Variants in NRCAM observed in about 807,000 individuals in gnomAD.
NRCAM encodes the protein neuronal cell adhesion molecule, also known as NgCAM-related cell adhesion molecule.
A neutral mutation model predicts 156.5 loss-of-function variants in NRCAM; 83 were observed. The observed-to-expected ratio is 0.53, with a 90% CI of 0.44 to 0.64. The LOEUF is 0.64. Among genes scored for constraint, NRCAM ranks in the 30% least tolerant of loss-of-function variants. The pLI is 0.00. For synonymous variants in NRCAM, 538 were observed against 563.9 expected, an observed-to-expected ratio of 0.95 and a Z score of 0.65; for missense variants, 1,417 against 1,597.3, an observed-to-expected ratio of 0.89 and a Z score of 1.92.
intron 3 of NRCAM, among the ~76,000 whole-genome samples, chr7:108,289,186 AT>A (rs1253542000): frequency 6.6e-6 from 1 of 152,162 alleles, no homozygotes; most frequent in African/African-American, 2.4e-5. Flanking sequence ...AACAGTATAA[AT>A]AGAAAACATA....
intron 3 of NRCAM, among the ~76,000 whole-genome samples, chr7:108,274,814 G>A (rs2097531106): frequency 6.6e-6 from 1 of 152,146 alleles, no homozygotes; most frequent in South Asian, 2.1e-4. Flanking sequence ...CTTGTCTTGT[G>A]CTGGCTTTCA....
At chr7:108,289,770 C>G (rs2098228644) in intron 3 of NRCAM, among the ~76,000 whole-genome samples, 1 of 152,116 alleles carries the variant, frequency 6.6e-6, no homozygotes, top group African/African-American at 2.4e-5. Context: ...ATGAGGTCTC[C>G]AGACCCCCAG....
chr7:108,201,263 GGTGCCCACCAT>G (rs1220238154), intron 13 of NRCAM, among the ~76,000 whole-genome samples: 1 of 151,668 alleles, frequency 6.6e-6, no homozygotes, highest in Non-Finnish European at 1.5e-5. Context: ...GGGCACTCTC[GGTGCCCACCAT>G]GTGCCCACCC....
chr7:108,163,184 T>C (rs771986491), intron 30 of NRCAM, among the ~76,000 whole-genome samples: 1 of 152,234 alleles, frequency 6.6e-6, no homozygotes, highest in Non-Finnish European at 1.5e-5. Flanking sequence ...TATATTCATG[T>C]ATTATTTGAG....
intron 11 of NRCAM, among the ~76,000 whole-genome samples, chr7:108,221,645 A>G (rs1184254027): frequency 6.6e-6 from 1 of 152,198 alleles, no homozygotes; most frequent in Admixed American, 6.5e-5. Context: ...GTGGGAGCTA[A>G]GCTACGAGGA....
intron 11 of NRCAM, among the ~76,000 whole-genome samples, chr7:108,211,346 G>T (rs1161221102): frequency 1.3e-5 from 2 of 152,134 alleles, no homozygotes; most frequent in African/African-American, 4.8e-5. Context: ...GTCTCCAGCT[G>T]AACTTTATAA....
intron 17 of NRCAM, among the ~76,000 whole-genome samples, chr7:108,192,406 A>G (rs1015382296): frequency 6.6e-6 from 1 of 152,042 alleles, no homozygotes; most frequent in African/African-American, 2.4e-5. Context: ...ATGTATATAC[A>G]TATTACAACA....
chr7:108,376,340 T>G (rs1251319334), intron 2 of NRCAM, among the ~76,000 whole-genome samples: 1 of 152,216 alleles, frequency 6.6e-6, no homozygotes, highest in Non-Finnish European at 1.5e-5. Flanking sequence ...TCCTGCTTCC[T>G]GCTCTCTGGA....
At chr7:108,218,178 G>C (rs555013914) in intron 11 of NRCAM, among the ~76,000 whole-genome samples, 77 of 151,862 alleles carry the variant, frequency 5.1e-4, no homozygotes, top group African/African-American at 1.6e-3. Flanking sequence ...TTGGCTGGGG[G>C]GGGGGGGGAG....
chr7:108,454,343 T>C lies in NRCAM; in HGVS notation c.-332+1900A>G, dbSNP rs562753238. On this transcript the variant is annotated intron_variant, in intron 1 of 32. Transcript: ENST00000379028. ...CTGATAAGCCTCCAAAAGGCCACAG[T>C]CTCAGTCTTGGATTGTAAAGCACAA... Among the ~76,000 whole-genome samples the C allele has an allele frequency of 4.6e-5, 7 of 152,302 alleles. No individual in the cohort carries two copies. The South Asian group carries it at 1.4e-3, about 32-fold the overall frequency.
chr7:108,429,125 G>T (rs1228498728), intron 1 of NRCAM, among the ~76,000 whole-genome samples: 1 of 152,024 alleles, frequency 6.6e-6, no homozygotes, highest in African/African-American at 2.4e-5. Context: ...AATTTAAATT[G>T]CAAAACAATA....
chr7:108,287,010 C>G (rs544791634), intron 3 of NRCAM, among the ~76,000 whole-genome samples: 1 of 152,178 alleles, frequency 6.6e-6, no homozygotes, highest in East Asian at 1.9e-4. Context: ...GGAAAGGACA[C>G]TTTATTCAAT....
chr7:108,358,672 C>G (rs1250915832), intron 2 of NRCAM, among the ~76,000 whole-genome samples: 2 of 152,202 alleles, frequency 1.3e-5, no homozygotes, highest in Admixed American at 6.5e-5. Context: ...TGCTGGCGCT[C>G]TGCTGCTTCA....
intron 12 of NRCAM, among the ~76,000 whole-genome samples, chr7:108,208,993 A>G (rs2082619528): frequency 6.6e-6 from 1 of 152,218 alleles, no homozygotes; most frequent in African/African-American, 2.4e-5. Flanking sequence ...CATCTTCTAA[A>G]GAAAGGAGTA....
chr7:108,199,195 T>C (rs1186733415), intron 13 of NRCAM, among the ~76,000 whole-genome samples: 2 of 152,200 alleles, frequency 1.3e-5, no homozygotes, highest in African/African-American at 2.4e-5. Flanking sequence ...AGGATGTGCA[T>C]CTAAGACACA....
chr7:108,423,477 A>G (rs1042939322), intron 1 of NRCAM, among the ~76,000 whole-genome samples: 1 of 152,156 alleles, frequency 6.6e-6, no homozygotes, highest in Non-Finnish European at 1.5e-5. Flanking sequence ...TGACGAGATA[A>G]AAATAAAAGG....
intron 2 of NRCAM, among the ~76,000 whole-genome samples, chr7:108,348,973 G>C (rs934575169): frequency 1.3e-5 from 2 of 152,004 alleles, no homozygotes; most frequent in African/African-American, 2.4e-5. Context: ...TATCAGGATG[G>C]GGGGGAATGT....
intron 22 of NRCAM, 139 bp downstream of exon 22, chr7:108,184,102 A>C: frequency 2.3e-6 from 1 of 432,136 alleles, no homozygotes; most frequent in East Asian, 4.2e-5. Flanking sequence ...GTAAAGATAT[A>C]TATGTATCTT....
chr7:108,351,809 T>C (rs750839786), intron 2 of NRCAM, among the ~76,000 whole-genome samples: 13 of 152,034 alleles, frequency 8.6e-5, no homozygotes, highest in Non-Finnish European at 1.8e-4. Flanking sequence ...TGAAACATGA[T>C]GAAATACACA....
Sources: gnomAD v4.1 joint callset for allele counts (sites outside exome capture counted in the v4.1 genomes callset) on GRCh38, gnomAD v4.1.1 for gene constraint, MANE v1.5 for transcripts, NCBI Gene and HGNC (gene_info 2026-07-23, HGNC 2026-07-21) for gene names.